OR3A2: variants seen among roughly 807,000 people sequenced by gnomAD.
OR3A2 encodes the protein olfactory receptor family 3 subfamily A member 2.
For missense variants in OR3A2, 318 were observed against 392.8 expected, an observed-to-expected ratio of 0.81 and a Z score of 1.61; for synonymous variants, 126 against 159.3, an observed-to-expected ratio of 0.79 and a Z score of 1.57.
In OR3A2 at chr17:3,385,938, G is replaced by A. The variant is rs2049773469; in HGVS notation, c.-275+187C>T. ...ACCTGTCAGTCCACTCCATGGCTCC[G>A]ACCAACCTCACATCTGCCCCCGTGT... On this transcript the variant is annotated intron_variant, in intron 1 of 4. Transcript: ENST00000573491. 3 of 398,418 alleles carry A rather than the reference G, an allele frequency of 7.5e-6. No homozygotes were observed. In the Admixed American group the frequency reaches 1.3e-4, roughly 18 times the overall value. The allele number at this position is 398,418 out of a possible 1,614,324, so 24.7% of individuals were successfully genotyped here.
intron 3 of OR3A2, among the ~76,000 whole-genome samples, chr17:3,289,853 T>C (rs2048849135): frequency 6.6e-6 from 1 of 152,144 alleles, no homozygotes; most frequent in African/African-American, 2.4e-5. Context: ...TCCCTGAAGT[T>C]TGTCTGATGA....
chr17:3,385,804 T>C (rs2049772513), intron 1 of OR3A2: 6 of 397,534 alleles, frequency 1.5e-5, no homozygotes, highest in Non-Finnish European at 1.3e-5. Context: ...GAAATTTGTA[T>C]ATTTATAAAC....
At chr17:3,320,479 A>C (rs4790127) in intron 3 of OR3A2, among the ~76,000 whole-genome samples, 38,744 of 90,632 alleles carry the variant, frequency 0.43, 12,458 homozygotes, top group African/African-American at 0.66. Flanking sequence ...ATGGTATTGC[A>C]TAGGTTTTCT....
chr17:3,298,644 G>C (rs939421473), intron 3 of OR3A2, among the ~76,000 whole-genome samples: 9 of 152,284 alleles, frequency 5.9e-5, no homozygotes, highest in Admixed American at 1.3e-4. Context: ...TGAAATAAGA[G>C]ATTTGACCAC....
intron 2 of OR3A2, among the ~76,000 whole-genome samples, chr17:3,354,556 T>C (rs1049688194): frequency 1.3e-5 from 2 of 151,436 alleles, no homozygotes; most frequent in African/African-American, 4.9e-5. Context: ...ATATGGTTGC[T>C]AATAGTAGTC....
At chr17:3,352,060 G>C (rs2049424269) in intron 2 of OR3A2, among the ~76,000 whole-genome samples, 1 of 152,022 alleles carries the variant, frequency 6.6e-6, no homozygotes. Flanking sequence ...CTTCTTGTGA[G>C]AAATATCTAT....
At chr17:3,340,994 G>T (rs1287261562) in intron 2 of OR3A2, among the ~76,000 whole-genome samples, 1 of 152,136 alleles carries the variant, frequency 6.6e-6, no homozygotes, top group Non-Finnish European at 1.5e-5. Context: ...TCTTCTTGTT[G>T]AATTGATCCC....
At chr17:3,343,222 C>A (rs2049335123) in intron 2 of OR3A2, among the ~76,000 whole-genome samples, 1 of 152,194 alleles carries the variant, frequency 6.6e-6, no homozygotes, top group African/African-American at 2.4e-5. Flanking sequence ...CCAGGTGAGG[C>A]GATGCCCTGC....
intron 2 of OR3A2, among the ~76,000 whole-genome samples, chr17:3,342,882 C>G (rs1160420944): frequency 2.0e-5 from 3 of 152,132 alleles, no homozygotes; most frequent in Non-Finnish European, 2.9e-5. Context: ...TGCCCTGCCC[C>G]CAGAGGTGGA....
At chr17:3,307,214 G>T (rs1302604051) in intron 3 of OR3A2, among the ~76,000 whole-genome samples, 1 of 152,234 alleles carries the variant, frequency 6.6e-6, no homozygotes, top group Non-Finnish European at 1.5e-5. Flanking sequence ...GAGGAGACCT[G>T]CAATGAGTCT....
intron 2 of OR3A2, among the ~76,000 whole-genome samples, chr17:3,346,113 T>A (rs1041038792): frequency 2.6e-5 from 4 of 152,162 alleles, no homozygotes; most frequent in African/African-American, 9.6e-5. Flanking sequence ...ACAGAGCTAA[T>A]AAAAAAAATT....
intron 2 of OR3A2, among the ~76,000 whole-genome samples, chr17:3,364,350 G>T (rs1597359559): frequency 6.6e-6 from 1 of 152,254 alleles, no homozygotes; most frequent in East Asian, 1.9e-4. Context: ...TCTTTGTGAT[G>T]AAAACATTTA....
At chr17:3,381,322 T>G (rs573297907) in intron 2 of OR3A2, among the ~76,000 whole-genome samples, 9 of 147,924 alleles carry the variant, frequency 6.1e-5, no homozygotes, top group Admixed American at 2.0e-4. Context: ...CATAGGGTTT[T>G]TTTTTTTTTT....
At chr17:3,366,755 C>G (rs2150662020) in intron 2 of OR3A2, among the ~76,000 whole-genome samples, 1 of 152,288 alleles carries the variant, frequency 6.6e-6, no homozygotes, top group Non-Finnish European at 1.5e-5. Context: ...GCTTTGTACT[C>G]TGTGCTGTAC....
chr17:3,347,560 C>A (rs230446), intron 2 of OR3A2, among the ~76,000 whole-genome samples: 62,745 of 151,948 alleles, frequency 0.41, 13,227 homozygotes, highest in Admixed American at 0.52. Context: ...CATGTCCCTA[C>A]AAAGGACATG....
rs764511278 is a variant in OR3A2, at chr17:3,311,154, A to G, written c.-85+24879T>C. ...GGACAAGGGCATTGGCATCCTCAAC[A>G]CTGTCATCAGCCCCATGCTGAACCC... is the stretch of plus-strand genomic sequence containing the variant. On this transcript the variant is annotated intron_variant, in intron 3 of 4. Coordinates refer to the OR3A2 transcript ENST00000573491. The surrounding 1 kb of genome is among the most constrained non-coding windows in gnomAD (Gnocchi z 4.6). 3 of 539,396 alleles carry G rather than the reference A, an allele frequency of 5.6e-6. No individual in the cohort carries two copies. Among genetic ancestry groups the G allele is most frequent in the East Asian group, 1.1e-4 (2 of 18,690 alleles). The allele number at this position is 539,396 out of a possible 1,614,324, so 33.4% of individuals were successfully genotyped here. A position where few individuals can be genotyped will look rare whatever the true frequency, so the allele number is the denominator to read the frequency against.
intron 2 of OR3A2, among the ~76,000 whole-genome samples, chr17:3,360,455 C>T (rs1321303850): frequency 1.3e-5 from 2 of 151,666 alleles, no homozygotes; most frequent in Admixed American, 6.6e-5. Context: ...GCTTTTGTTG[C>T]CATTGCTTTT....
intron 2 of OR3A2, among the ~76,000 whole-genome samples, chr17:3,363,596 C>A (rs2049537198): frequency 6.6e-6 from 1 of 151,748 alleles, no homozygotes; most frequent in Non-Finnish European, 1.5e-5. Context: ...CCAAACTATT[C>A]CAACCTCTGC....
At chr17:3,380,287 G>A (rs1481404358) in intron 2 of OR3A2, among the ~76,000 whole-genome samples, 1 of 152,196 alleles carries the variant, frequency 6.6e-6, no homozygotes, top group African/African-American at 2.4e-5. Flanking sequence ...ACACGAGAAC[G>A]ACCTGCCAAC....
Sources: allele counts gnomAD v4.1 joint callset (sites outside exome capture counted in the v4.1 genomes callset), GRCh38; gene constraint gnomAD v4.1.1; non-coding constraint Gnocchi (gnomAD v3.1); transcripts MANE v1.5; gene names NCBI Gene and HGNC (gene_info 2026-07-23, HGNC 2026-07-21).